KCNT2: variants seen among roughly 807,000 people sequenced by gnomAD.
KCNT2 encodes the protein potassium channel subfamily T member 2.
A neutral mutation model predicts 153.8 loss-of-function variants in KCNT2; 67 were observed. That is an observed-to-expected ratio of 0.44 (90% CI 0.36 to 0.53). The LOEUF is 0.53. Among genes scored for constraint, KCNT2 ranks in the 20% least tolerant of loss-of-function variants. The pLI is 0.00. For synonymous variants in KCNT2, 500 were observed against 458.8 expected, an observed-to-expected ratio of 1.09 and a Z score of -1.15; for missense variants, 975 against 1,354.8, an observed-to-expected ratio of 0.72 and a Z score of 4.40.
chr1:196,540,301 A>G (rs1424008958), intron 1 of KCNT2, among the ~76,000 whole-genome samples: 1 of 152,226 alleles, frequency 6.6e-6, no homozygotes, highest in Non-Finnish European at 1.5e-5. Context: ...ATTCCAAAGG[A>G]AATTGACTAA....
chr1:196,534,502 A>T (rs997394390), intron 1 of KCNT2, among the ~76,000 whole-genome samples: 2 of 152,174 alleles, frequency 1.3e-5, no homozygotes, highest in Non-Finnish European at 2.9e-5. Context: ...ATGTCTTGAA[A>T]TTATTCTCAG....
intron 8 of KCNT2, among the ~76,000 whole-genome samples, chr1:196,430,420 TTCTC>T (rs1280739481): frequency 6.7e-6 from 1 of 150,084 alleles, no homozygotes; most frequent in Non-Finnish European, 1.5e-5. Flanking sequence ...CTCTCTCTCT[TTCTC>T]TCTCTCTTTC....
chr1:196,330,499 C>A lies in KCNT2; in HGVS notation c.2103+657G>T, dbSNP rs564998851. Among the ~76,000 whole-genome samples, 4 of 152,004 alleles carry A rather than the reference C, an allele frequency of 2.6e-5. No homozygotes were observed. The South Asian group carries it at 8.3e-4, about 32-fold the overall frequency. On this transcript the variant is annotated intron_variant, in intron 18 of 27. Transcript: ENST00000294725. ...TCCCTAGCTAGAATTAGTGGCAGAT[C>A]TGAATCTCCAGGGGCAGTAAATATA...
intron 25 of KCNT2, among the ~76,000 whole-genome samples, chr1:196,267,681 C>T (rs147824677): frequency 3.9e-4 from 60 of 152,252 alleles, no homozygotes; most frequent in African/African-American, 1.3e-3. Context: ...ACCATTAGAA[C>T]AGCAACTGCT....
At chr1:196,561,952 A>G (rs972134992) in intron 1 of KCNT2, among the ~76,000 whole-genome samples, 2 of 151,938 alleles carry the variant, frequency 1.3e-5, no homozygotes, top group African/African-American at 4.8e-5. Flanking sequence ...TGGAATTCAT[A>G]GAAGGGAGTG....
At chr1:196,305,087 T>A (rs1013323148) in intron 22 of KCNT2, 147 bp downstream of exon 22, 9 of 605,742 alleles carry the variant, frequency 1.5e-5, no homozygotes, top group Non-Finnish European at 2.6e-5. Flanking sequence ...TTTAAAAAAA[T>A]TATCAATTAG....
At chr1:196,260,144 T>C (rs1171430564) in intron 25 of KCNT2, among the ~76,000 whole-genome samples, 1 of 151,880 alleles carries the variant, frequency 6.6e-6, no homozygotes, top group Non-Finnish European at 1.5e-5. Flanking sequence ...AGTGATCTTT[T>C]TGTTCCTCTT....
intron 1 of KCNT2, among the ~76,000 whole-genome samples, chr1:196,543,295 T>G (rs1441567025): frequency 1.3e-5 from 2 of 152,138 alleles, no homozygotes; most frequent in Non-Finnish European, 1.5e-5. Context: ...TTTAACACAC[T>G]GCAGTTGTGA....
intron 13 of KCNT2, among the ~76,000 whole-genome samples, chr1:196,376,705 C>A (rs906286120): frequency 3.3e-5 from 5 of 151,872 alleles, no homozygotes; most frequent in Non-Finnish European, 7.4e-5. Flanking sequence ...ATAAAACCAT[C>A]CCTATAAATT....
intron 12 of KCNT2, among the ~76,000 whole-genome samples, chr1:196,412,224 T>C (rs891540587): frequency 7.9e-5 from 12 of 151,772 alleles, no homozygotes; most frequent in African/African-American, 2.9e-4. Flanking sequence ...ACTAACATTG[T>C]ACACATTTAT....
chr1:196,567,855 C>A (rs1306163825), intron 1 of KCNT2, among the ~76,000 whole-genome samples: 1 of 152,228 alleles, frequency 6.6e-6, no homozygotes, highest in East Asian at 1.9e-4. Context: ...TGGAACCTTT[C>A]TTTATCCAAT....
At chr1:196,606,412 T>C (rs576583287) in intron 1 of KCNT2, among the ~76,000 whole-genome samples, 5 of 152,336 alleles carry the variant, frequency 3.3e-5, no homozygotes, top group Admixed American at 2.6e-4. Flanking sequence ...GGTTGAATGA[T>C]TGTTTTAAAT....
chr1:196,474,231 A>T (rs999751606), intron 5 of KCNT2, among the ~76,000 whole-genome samples: 1 of 152,198 alleles, frequency 6.6e-6, no homozygotes, highest in Admixed American at 6.5e-5. Context: ...CCTAAAGAGC[A>T]CTTTAAAAAT....
At chr1:196,249,544 G>A (rs1264329984) in intron 26 of KCNT2, among the ~76,000 whole-genome samples, 2 of 152,020 alleles carry the variant, frequency 1.3e-5, no homozygotes, top group African/African-American at 2.4e-5. Context: ...AGGCCAAGGC[G>A]GGAGGATCAC....
Position 196,258,449 on chromosome 1 carries a change from A to G in KCNT2, c.2956T>C (p.Ser986Pro). Residue 986 changes from serine to proline, a missense_variant, in exon 26 of 28, where the codon TCC becomes CCC. By Grantham distance (74) the Ser-to-Pro change is moderately conservative. Coordinates refer to ENST00000294725, the MANE Select transcript of KCNT2 (RefSeq NM_198503.5). ...SVEEWEDTKD[S>P]KEQGHHRSNH... ...CTGCGGTGGTGCCCTTGTTCTTTGG[A>G]GTCTTTGGTGTCTTCCCACTCTTCT... is the stretch of plus-strand genomic sequence containing the variant. 6.2e-7 allele frequency: 1 copy of G among 1,613,370 alleles called. No individual in the cohort carries two copies. Among genetic ancestry groups the G allele is most frequent in the Non-Finnish European group, 8.5e-7 (1 of 1,179,826 alleles).
rs528274577 is a variant in KCNT2 at position 196,382,405 on chromosome 1, C to G, written c.1295-9157G>C. 1.2e-4 allele frequency among the ~76,000 whole-genome samples: 19 copies of G among 152,056 alleles called. No individual in the cohort carries two copies. In the East Asian group the frequency reaches 3.7e-3, roughly 29 times the overall value. ...TACAGACGTGAGCCACCGCGCCCGG[C>G]CTGTTTAACCAAATATTTTAAAGAT... On this transcript the variant is annotated intron_variant, in intron 13 of 27. Transcript: ENST00000294725.
At chr1:196,395,442 T>C (rs930052637) in intron 13 of KCNT2, among the ~76,000 whole-genome samples, 1 of 151,680 alleles carries the variant, frequency 6.6e-6, no homozygotes, top group African/African-American at 2.4e-5. Flanking sequence ...AGATGACGAA[T>C]AGGCACTCAA....
At chr1:196,466,884 A>G (rs560437409) in intron 7 of KCNT2, among the ~76,000 whole-genome samples, 2 of 152,012 alleles carry the variant, frequency 1.3e-5, no homozygotes, top group Non-Finnish European at 2.9e-5. Context: ...GTTATAAACC[A>G]TGCCACCAAG....
intron 1 of KCNT2, among the ~76,000 whole-genome samples, chr1:196,505,403 G>T (rs1572668208): frequency 6.6e-6 from 1 of 152,016 alleles, no homozygotes. Flanking sequence ...TAGATATGAG[G>T]CATTATTTCT....
Sources: gnomAD v4.1 joint callset for allele counts (sites outside exome capture counted in the v4.1 genomes callset) on GRCh38, gnomAD v4.1.1 for gene constraint, MANE v1.5 for transcripts, NCBI Gene and HGNC (gene_info 2026-07-23, HGNC 2026-07-21) for gene names.